The following NLN variants were observed in gnomAD, a reference collection of about 807,000 sequenced individuals.
The protein encoded by NLN is neurolysin, mitochondrial.
Under a neutral mutation model 79.9 loss-of-function variants are expected in NLN, and 64 were observed. The ratio of observed to expected loss-of-function variants is 0.80; its 90% confidence interval spans 0.65 to 0.99. The LOEUF is 0.99. Ranked by LOEUF, NLN falls within the 50% of genes least tolerant of loss-of-function variation. The pLI is 0.00. For synonymous variants in NLN, 267 were observed against 296.6 expected, an observed-to-expected ratio of 0.90 and a Z score of 1.02; for missense variants, 835 against 858.7, an observed-to-expected ratio of 0.97 and a Z score of 0.34.
At chr5:65,757,937 A>G (rs575187396) in intron 1 of NLN, among the ~76,000 whole-genome samples, 28 of 152,302 alleles carry the variant, frequency 1.8e-4, no homozygotes, top group Admixed American at 5.2e-4. Context: ...AAATATTAAA[A>G]TAAAAAAGAT....
chr5:65,785,943 T>C, intron 7 of NLN, 33 bp downstream of exon 7: 3 of 1,601,432 alleles, frequency 1.9e-6, no homozygotes, highest in Non-Finnish European at 1.7e-6. Context: ...ATGACTGTTT[T>C]GCTATACCAT....
intron 3 of NLN, among the ~76,000 whole-genome samples, chr5:65,775,308 A>G (rs1322517699): frequency 6.6e-6 from 1 of 152,162 alleles, no homozygotes; most frequent in Non-Finnish European, 1.5e-5. Flanking sequence ...AGGCTTTGTC[A>G]TGAGTCTGTG....
At chr5:65,810,823 C>G (rs1329435014) in intron 11 of NLN, among the ~76,000 whole-genome samples, 1 of 151,960 alleles carries the variant, frequency 6.6e-6, no homozygotes, top group Non-Finnish European at 1.5e-5. Context: ...TACCAAAATA[C>G]AAAAATTAGC....
In NLN at chr5:65,787,236, T is replaced by TTATATATA. The variant is rs747187984; in HGVS notation, c.959-874_959-867dup. Among the ~76,000 whole-genome samples the TTATATATA allele has an allele frequency of 1.4e-3, 208 of 147,470 alleles. 2 individuals carry two copies. Among genetic ancestry groups the TTATATATA allele is most frequent in the African/African-American group, 5.4e-3 (208 of 38,252 alleles). ...ACTCACTCACTCTCTCTCTCTCTCTTTATATATATATATATGTATGTGTGT... is the reference window on the plus strand; with the variant it reads ...ACTCACTCACTCTCTCTCTCTCTCTTTATATATATATATATATATATATGTATGTGTGT... On this transcript the variant is annotated intron_variant, in intron 7 of 12. Coordinates refer to ENST00000380985, the MANE Select transcript of NLN (RefSeq NM_020726.5).
chr5:65,809,328 G>A (rs1299746395), intron 9 of NLN, 187 bp from the exon 10 acceptor site: 3 of 530,968 alleles, frequency 5.7e-6, no homozygotes, highest in Non-Finnish European at 9.9e-6. Context: ...AGTATTTGGG[G>A]GTTGTTTTTC....
chr5:65,809,438 GT>G, intron 9 of NLN, 76 bp from the exon 10 acceptor site: 1 of 1,262,006 alleles, frequency 7.9e-7, no homozygotes, highest in Non-Finnish European at 1.1e-6. Context: ...TTAAGTTTTC[GT>G]GACTCTTAAT....
At chr5:65,788,587 AC>A in intron 8 of NLN, 103 bp downstream of exon 8, 3 of 1,215,526 alleles carry the variant, frequency 2.5e-6, no homozygotes, top group Non-Finnish European at 3.5e-6. Context: ...TGTAATCCCA[AC>A]ACTTTGGGAG....
At chr5:65,800,327 TG>T (rs1326056472) in intron 9 of NLN, among the ~76,000 whole-genome samples, 2 of 152,236 alleles carry the variant, frequency 1.3e-5, no homozygotes, top group Non-Finnish European at 2.9e-5. Flanking sequence ...TCAAGTTATC[TG>T]TTGTAAAAAT....
intron 12 of NLN, among the ~76,000 whole-genome samples, chr5:65,813,882 A>T (rs2150775859): frequency 6.6e-6 from 1 of 152,156 alleles, no homozygotes; most frequent in Middle Eastern, 3.4e-3. Context: ...GTGAGCCGAG[A>T]TCATGCTACT....
chr5:65,791,494 A>G (rs2591934), intron 8 of NLN, among the ~76,000 whole-genome samples: 86,283 of 151,990 alleles, frequency 0.57, 24,698 homozygotes, highest in African/African-American at 0.59. Flanking sequence ...GGAGGTGGAC[A>G]TTATAGTTAG....
rs373497025 is a variant in NLN at position 65,809,536 on chromosome 5, G to A, written c.1549G>A (p.Gly517Arg). The stretch of plus-strand genomic sequence containing the variant: ...CTAGACTGATTTTGCACGATTTAGC[G>A]GAACAAATGTGGAAACTGACTTTGT... ...CAQTDFARFS[G>R]TNVETDFVEV... Residue 517 changes from glycine to arginine, a missense_variant, in exon 10 of 13, where the codon GGA becomes AGA. Physicochemically the swap from Gly to Arg is moderately radical, Grantham distance 125. Coordinates refer to ENST00000380985, the MANE Select transcript of NLN (RefSeq NM_020726.5). The A allele has an allele frequency of 2.9e-5, 46 of 1,602,356 alleles. No individual in the cohort carries two copies. The highest frequency in any genetic ancestry group is 3.5e-5 in the Non-Finnish European group (41 of 1,176,832).
chr5:65,738,066 T>C (rs1477042212), intron 1 of NLN, among the ~76,000 whole-genome samples: 1 of 150,694 alleles, frequency 6.6e-6, no homozygotes, highest in African/African-American at 2.4e-5. Flanking sequence ...GAGGCGGAGG[T>C]TGCAGTGAGC....
intron 1 of NLN, among the ~76,000 whole-genome samples, chr5:65,727,347 G>T (rs956156650): frequency 1.3e-5 from 2 of 151,992 alleles, no homozygotes; most frequent in South Asian, 2.1e-4. Context: ...TGAAAAAATT[G>T]TTTGTAGAGA....
intron 4 of NLN, among the ~76,000 whole-genome samples, chr5:65,779,194 T>C (rs1012522594): frequency 6.6e-6 from 1 of 152,190 alleles, no homozygotes. Flanking sequence ...GACTCGACTT[T>C]TAAGAGTTTG....
chr5:65,769,694 C>T (rs1759528464), intron 3 of NLN, among the ~76,000 whole-genome samples: 1 of 152,176 alleles, frequency 6.6e-6, no homozygotes, highest in Non-Finnish European at 1.5e-5. Context: ...AGCAATATGA[C>T]TCATATAACC....
chr5:65,757,627 T>C (rs1296846115), intron 1 of NLN, among the ~76,000 whole-genome samples: 3 of 152,192 alleles, frequency 2.0e-5, no homozygotes, highest in African/African-American at 7.2e-5. Context: ...CATATGTATA[T>C]AGACAGAGAG....
chr5:65,792,794 C>T, intron 9 of NLN, 139 bp downstream of exon 9: 1 of 730,382 alleles, frequency 1.4e-6, no homozygotes, highest in Non-Finnish European at 2.5e-6. Context: ...TCTGCAAAAC[C>T]AAAATTTTCC....
At chr5:65,745,746 T>C (rs1262377570) in intron 1 of NLN, among the ~76,000 whole-genome samples, 2 of 152,168 alleles carry the variant, frequency 1.3e-5, no homozygotes, top group Non-Finnish European at 2.9e-5. Context: ...TAGCTTGAAC[T>C]TGATCCTGAA....
intron 1 of NLN, among the ~76,000 whole-genome samples, chr5:65,731,532 C>T (rs976231670): frequency 7.9e-5 from 12 of 151,948 alleles, no homozygotes; most frequent in Admixed American, 1.3e-4. Context: ...TGTAAGAGCC[C>T]CTCATAGATG....
Sources: allele counts gnomAD v4.1 joint callset (sites outside exome capture counted in the v4.1 genomes callset), GRCh38; gene constraint gnomAD v4.1.1; transcripts MANE v1.5; gene names NCBI Gene and HGNC (gene_info 2026-07-23, HGNC 2026-07-21).